UNC79: variants seen among roughly 807,000 people sequenced by gnomAD.
The protein encoded by UNC79 is protein unc-79 homolog.
In UNC79, 37 loss-of-function variants were observed where a neutral mutation model predicts 283.1. The observed-to-expected ratio is 0.13, with a 90% CI of 0.10 to 0.17. The LOEUF is 0.17. Among genes scored for constraint, UNC79 ranks in the 10% least tolerant of loss-of-function variants. The pLI, the probability that UNC79 is intolerant of heterozygous loss-of-function variation, is 1.00. For synonymous variants in UNC79, 1,107 were observed against 1,200.2 expected, an observed-to-expected ratio of 0.92 and a Z score of 1.61; for missense variants, 2,272 against 3,211.1, an observed-to-expected ratio of 0.71 and a Z score of 7.07.
chr14:93,461,691 G>A (rs1013733870), intron 1 of UNC79, among the ~76,000 whole-genome samples: 1 of 152,138 alleles, frequency 6.6e-6, no homozygotes, highest in African/African-American at 2.4e-5. Flanking sequence ...AAAGCTCACT[G>A]TTCACTTAGA....
chr14:93,707,214 G>A (rs553743340), downstream of UNC79: 43 of 276,638 alleles, frequency 1.6e-4, no homozygotes, highest in African/African-American at 8.9e-4. Context: ...TCACAGAAAA[G>A]TTGTATAAGT....
At chr14:93,544,513 A>G (rs1567085687) in intron 14 of UNC79, among the ~76,000 whole-genome samples, 1 of 152,190 alleles carries the variant, frequency 6.6e-6, no homozygotes, top group African/African-American at 2.4e-5. Flanking sequence ...TTCTTTTTGC[A>G]TCTTCTTTAG....
chr14:93,621,994 G>C lies in UNC79; in HGVS notation c.4761G>C (p.Glu1587Asp). Reference sequence around the variant, plus strand: ...CAGAGGTTAGGTTAAACTGTATGGAGACTTTCGAGGTGAAAGTTGACTCGC... The same window carrying C: ...CAGAGGTTAGGTTAAACTGTATGGACACTTTCGAGGTGAAAGTTGACTCGC... Residue 1587 changes from glutamate (E) to aspartate (D), a missense_variant, in exon 30 of 49, where the codon GAG (glutamate) becomes GAC (aspartate). By Grantham distance (45) the Glu-to-Asp change is conservative. Transcript: ENST00000555664. The surrounding 1 kb of genome is among the most constrained non-coding windows in gnomAD (Gnocchi z 4.8). 1 of 1,614,078 alleles carries C rather than the reference G, an allele frequency of 6.2e-7. No homozygotes were observed. The highest frequency in any genetic ancestry group is 8.5e-7 in the Non-Finnish European group (1 of 1,180,008).
chr14:93,662,739 T>C (rs756350889), intron 40 of UNC79, 25 bp downstream of exon 43: 1 of 1,552,494 alleles, frequency 6.4e-7, no homozygotes, highest in Non-Finnish European at 8.8e-7. Flanking sequence ...ATATGTGTGT[T>C]CCTGTGAAAC....
chr14:93,396,651 A>G (rs933531500), intron 1 of UNC79, among the ~76,000 whole-genome samples: 5 of 152,068 alleles, frequency 3.3e-5, no homozygotes, highest in African/African-American at 1.2e-4. Context: ...TGTAACATCT[A>G]TATTCTATGT....
At chr14:93,337,279 C>A (rs993537159) in intron 1 of UNC79, among the ~76,000 whole-genome samples, 1 of 152,220 alleles carries the variant, frequency 6.6e-6, no homozygotes, top group Non-Finnish European at 1.5e-5. Context: ...GTCTTGGCTC[C>A]TCTGAGAGCT....
At chr14:93,540,869 T>C in intron 13 of UNC79, 38 bp downstream of exon 13, 1 of 1,608,136 alleles carries the variant, frequency 6.2e-7, no homozygotes. Flanking sequence ...ACTTTCTTAT[T>C]TCTCATTTCA....
chr14:93,642,994 C>T (rs956187268), intron 33 of UNC79, among the ~76,000 whole-genome samples: 2 of 152,082 alleles, frequency 1.3e-5, no homozygotes, highest in African/African-American at 4.8e-5. Flanking sequence ...ATATGACACT[C>T]GGCAGGCCTG....
chr14:93,336,937 G>T (rs2053590417), intron 1 of UNC79, among the ~76,000 whole-genome samples: 1 of 152,166 alleles, frequency 6.6e-6, no homozygotes, highest in East Asian at 1.9e-4. Context: ...CTCATGAATG[G>T]CTTCACACTA....
chr14:93,440,805 T>G (rs2056273426), intron 1 of UNC79, among the ~76,000 whole-genome samples: 1 of 152,164 alleles, frequency 6.6e-6, no homozygotes, highest in Admixed American at 6.5e-5. Context: ...ATTTACATTA[T>G]TTCTATTCTG....
chr14:93,404,568 CAT>C (rs962381853), intron 1 of UNC79, among the ~76,000 whole-genome samples: 1 of 132,932 alleles, frequency 7.5e-6, no homozygotes, highest in South Asian at 2.3e-4. Context: ...ATCAGTAAAA[CAT>C]AGAAACACAA....
chr14:93,530,705 C>G (rs909233551), intron 10 of UNC79, among the ~76,000 whole-genome samples: 2 of 152,102 alleles, frequency 1.3e-5, no homozygotes, highest in African/African-American at 2.4e-5. Context: ...GTCAGGAAAT[C>G]AAGACCATCC....
At chr14:93,514,974 C>A (rs1483572156) in intron 7 of UNC79, among the ~76,000 whole-genome samples, 1 of 152,106 alleles carries the variant, frequency 6.6e-6, no homozygotes, top group Non-Finnish European at 1.5e-5. Context: ...TCTCATCCCT[C>A]TTTCTGGAAT....
chr14:93,366,251 A>G (rs2054329824), intron 1 of UNC79, among the ~76,000 whole-genome samples: 1 of 152,202 alleles, frequency 6.6e-6, no homozygotes, highest in Admixed American at 6.5e-5. Context: ...TCCTTGTCTG[A>G]GCAAAGATTT....
chr14:93,508,383 GCAA>G (rs1033929141), intron 7 of UNC79, among the ~76,000 whole-genome samples: 4 of 151,996 alleles, frequency 2.6e-5, no homozygotes, highest in East Asian at 3.9e-4. Flanking sequence ...AGCAGTAGCA[GCAA>G]CAACAACAAC....
In UNC79 at chr14:93,447,752, A is replaced by G. The variant is rs149930990; in HGVS notation, c.22+16701A>G. Among the ~76,000 whole-genome samples, 739 of 152,188 alleles carry G rather than the reference A, an allele frequency of 4.9e-3. 5 individuals carry two copies. The highest frequency in any genetic ancestry group is 0.017 in the African/African-American group (692 of 41,538). ...TATTCTTGAATAATATTTTTGCTGAATACAGGATTTTGCTTCGACAGTTTT... is the reference window on the plus strand; with the variant it reads ...TATTCTTGAATAATATTTTTGCTGAGTACAGGATTTTGCTTCGACAGTTTT... On this transcript the variant is annotated intron_variant, in intron 1 of 48. Transcript: ENST00000555664.
chr14:93,358,884 A>G (rs1566890958), intron 1 of UNC79, among the ~76,000 whole-genome samples: 1 of 152,194 alleles, frequency 6.6e-6, no homozygotes, highest in Non-Finnish European at 1.5e-5. Flanking sequence ...TTCTAGAACT[A>G]TAACTAGACT....
At chr14:93,578,969 T>G (rs540944941) in intron 18 of UNC79, among the ~76,000 whole-genome samples, 1 of 152,322 alleles carries the variant, frequency 6.6e-6, no homozygotes, top group South Asian at 2.1e-4. Context: ...GACTTTTTTT[T>G]AAAATTATTT....
chr14:93,623,571 ATCT>A (rs572552468), intron 30 of UNC79, among the ~76,000 whole-genome samples: 4 of 152,168 alleles, frequency 2.6e-5, no homozygotes, highest in Non-Finnish European at 5.9e-5. Context: ...ATCAAAACCC[ATCT>A]TCATTTCTTA....
Sources: allele counts gnomAD v4.1 joint callset (sites outside exome capture counted in the v4.1 genomes callset), GRCh38; gene constraint gnomAD v4.1.1; non-coding constraint Gnocchi (gnomAD v3.1); transcripts MANE v1.5; gene names NCBI Gene and HGNC (gene_info 2026-07-23, HGNC 2026-07-21).